Variants in PHF21A observed in about 807,000 individuals in gnomAD.
PHF21A encodes the protein PHD finger protein 21A, also known as BHC80a.
PHF21A carries 11 observed loss-of-function variants against 82.5 expected under a neutral mutation model. The observed-to-expected ratio is 0.13, with a 90% CI of 0.08 to 0.22. The LOEUF (loss-of-function observed/expected upper bound fraction) is 0.22. Among genes scored for constraint, PHF21A ranks in the 10% least tolerant of loss-of-function variants. PHF21A has a pLI of 1.00. For missense variants in PHF21A, 579 were observed against 837.8 expected (o/e 0.69, Z 3.81); for synonymous variants, 297 against 302.8 (o/e 0.98, Z 0.20).
At chr11:46,108,293 A>G (rs2097173786) in intron 1 of PHF21A, among the ~76,000 whole-genome samples, 1 of 152,140 alleles carries the variant, frequency 6.6e-6, no homozygotes, top group Non-Finnish European at 1.5e-5. Context: ...TATATAGGAC[A>G]GAAAACAATG....
Position 45,951,157 on chromosome 11 carries a change from T to G in PHF21A, c.1096-900A>C, listed in dbSNP as rs75069630. Among the ~76,000 whole-genome samples, 1,476 of 152,388 alleles carry G rather than the reference T, an allele frequency of 9.7e-3. 17 individuals carry two copies. The highest frequency in any genetic ancestry group is 0.013 in the Non-Finnish European group (900 of 68,038). On this transcript the variant is annotated intron_variant, in intron 11 of 18. Transcript: ENST00000676320. ...AAAAGTGTGTCTTCATTTTCTGTTG[T>G]ACTACTGCATGCAGTTTCTAAATAT...
At chr11:45,958,469 C>CACACAT (rs1163316434) in intron 10 of PHF21A, among the ~76,000 whole-genome samples, 8 of 111,566 alleles carry the variant, frequency 7.2e-5, no homozygotes, top group South Asian at 3.1e-4. Context: ...CACACACACA[C>CACACAT]ATATATATTA....
intron 15 of PHF21A, 132 bp from the exon 16 acceptor site, chr11:45,938,444 C>G: frequency 1.4e-6 from 1 of 693,408 alleles, no homozygotes; most frequent in Middle Eastern, 2.6e-4. Flanking sequence ...TCAAGAGAAG[C>G]AGGAATCACC....
chr11:45,949,004 G>T, intron 13 of PHF21A, 58 bp from the exon 14 acceptor site: 1 of 1,325,534 alleles, frequency 7.5e-7, no homozygotes. Flanking sequence ...TACTAATACT[G>T]GCACAAGCTA....
intron 6 of PHF21A, among the ~76,000 whole-genome samples, chr11:45,997,013 C>T (rs1050315503): frequency 6.6e-6 from 1 of 152,154 alleles, no homozygotes; most frequent in Non-Finnish European, 1.5e-5. Flanking sequence ...AATTTATTCA[C>T]CAAATGCCAT....
Position 45,934,242 on chromosome 11 carries a change from G to A in PHF21A, c.1789-17C>T, listed in dbSNP as rs370907044. On this transcript the variant is annotated splice_polypyrimidine_tract_variant and intron_variant, in intron 18 of 18. Coordinates refer to ENST00000676320, the MANE Select transcript of PHF21A (RefSeq NM_001352027.3). The stretch of plus-strand genomic sequence containing the variant: ...CATGCATTTCTGCAGCAAATGACAA[G>A]GGCAGTGGCACTGAGCCGCCTGGTT... 3 of 1,607,086 alleles carry A rather than the reference G, an allele frequency of 1.9e-6. No individual in the cohort carries two copies. Among genetic ancestry groups the A allele is most frequent in the South Asian group, 1.1e-5 (1 of 90,580 alleles).
intron 6 of PHF21A, among the ~76,000 whole-genome samples, chr11:46,031,780 C>A (rs753406865): frequency 6.6e-6 from 1 of 152,030 alleles, no homozygotes; most frequent in African/African-American, 2.4e-5. Context: ...TTTCCAGAGA[C>A]GTTACTAACA....
intron 1 of PHF21A, among the ~76,000 whole-genome samples, chr11:46,108,420 C>G (rs1055958832): frequency 7.2e-5 from 11 of 151,912 alleles, no homozygotes; most frequent in African/African-American, 2.7e-4. Flanking sequence ...ATAAATCTTA[C>G]CCACCTCTCT....
intron 6 of PHF21A, among the ~76,000 whole-genome samples, chr11:46,009,035 C>T (rs1312451746): frequency 1.5e-5 from 2 of 136,830 alleles, no homozygotes; most frequent in Non-Finnish European, 3.0e-5. Flanking sequence ...AGTGCAGTGG[C>T]GTGATCCCGG....
chr11:46,099,094 T>C (rs1214497108), intron 1 of PHF21A, among the ~76,000 whole-genome samples: 2 of 152,052 alleles, frequency 1.3e-5, no homozygotes, highest in African/African-American at 4.8e-5. Context: ...TAAAATAGCA[T>C]CAACATACAC....
intron 7 of PHF21A, among the ~76,000 whole-genome samples, chr11:45,974,637 T>C (rs1277238991): frequency 6.6e-6 from 1 of 151,816 alleles, no homozygotes; most frequent in East Asian, 1.9e-4. Flanking sequence ...TTATTTTTAG[T>C]AGAGACGTGA....
intron 6 of PHF21A, among the ~76,000 whole-genome samples, chr11:45,990,250 CTTTTTTTTT>C (rs201187984): frequency 8.9e-5 from 5 of 56,278 alleles, no homozygotes; most frequent in South Asian, 1.7e-3. Context: ...TTTTCATCTT[CTTTTTTTTT>C]TTTTTTTTTT....
At chr11:45,977,135 G>A (rs1591502934) in intron 7 of PHF21A, among the ~76,000 whole-genome samples, 2 of 144,878 alleles carry the variant, frequency 1.4e-5, no homozygotes, top group South Asian at 4.4e-4. Context: ...TGCTTCCTTT[G>A]ATTTTTTTTT....
intron 6 of PHF21A, among the ~76,000 whole-genome samples, chr11:46,072,106 G>A (rs769284550): frequency 3.3e-5 from 5 of 152,168 alleles, no homozygotes; most frequent in Non-Finnish European, 7.4e-5. Flanking sequence ...AAGGAAGACA[G>A]ATATTTAAAA....
intron 10 of PHF21A, among the ~76,000 whole-genome samples, chr11:45,955,515 T>C (rs1169458989): frequency 6.6e-6 from 1 of 152,200 alleles, no homozygotes; most frequent in Non-Finnish European, 1.5e-5. Context: ...GTGAAGTCTC[T>C]TGGAGTCTCT....
chr11:46,009,294 T>C (rs2095364582), intron 6 of PHF21A, among the ~76,000 whole-genome samples: 1 of 152,090 alleles, frequency 6.6e-6, no homozygotes, highest in Non-Finnish European at 1.5e-5. Flanking sequence ...ATTTCTCACC[T>C]TCTGTTCATG....
intron 5 of PHF21A, 63 bp downstream of exon 5, chr11:46,079,071 G>A: frequency 3.0e-6 from 3 of 1,007,350 alleles, no homozygotes; most frequent in Non-Finnish European, 4.5e-6. Context: ...AGTATTTTAT[G>A]GTGATTTTAT....
intron 6 of PHF21A, among the ~76,000 whole-genome samples, chr11:46,059,403 A>C (rs1369902187): frequency 5.3e-5 from 8 of 152,178 alleles, no homozygotes; most frequent in Admixed American, 2.0e-4. Flanking sequence ...TAAAATAATA[A>C]GTACAATACC....
intron 14 of PHF21A, among the ~76,000 whole-genome samples, chr11:45,947,389 A>T (rs1004679065): frequency 6.6e-6 from 1 of 152,226 alleles, no homozygotes; most frequent in African/African-American, 2.4e-5. Flanking sequence ...TGACTTTGCC[A>T]ACAGTTATCA....
Sources: gnomAD v4.1 joint callset for allele counts (sites outside exome capture counted in the v4.1 genomes callset) on GRCh38, gnomAD v4.1.1 for gene constraint, MANE v1.5 for transcripts, NCBI Gene and HGNC (gene_info 2026-07-23, HGNC 2026-07-21) for gene names.